NRXN3: variants seen among roughly 807,000 people sequenced by gnomAD.
The protein encoded by NRXN3 is neurexin III.
A neutral mutation model predicts 137.6 loss-of-function variants in NRXN3; 32 were observed. The ratio of observed to expected loss-of-function variants is 0.23; its 90% confidence interval spans 0.18 to 0.31. The LOEUF is 0.31. Ranked by LOEUF, NRXN3 falls within the 10% of genes least tolerant of loss-of-function variation. The pLI is 1.00. For missense variants in NRXN3, 1,574 were observed against 2,062.5 expected (o/e 0.76, Z 4.59); for synonymous variants, 798 against 784.5 (o/e 1.02, Z -0.29).
chr14:78,593,831 GCTGAAAT>G (rs1356733784), intron 4 of NRXN3, among the ~76,000 whole-genome samples: 1 of 152,136 alleles, frequency 6.6e-6, no homozygotes, highest in Admixed American at 6.5e-5. Flanking sequence ...TTCAAAGGGT[GCTGAAAT>G]CTCTCACCAC....
intron 3 of NRXN3, among the ~76,000 whole-genome samples, chr14:78,292,388 G>C (rs1171444286): frequency 6.6e-6 from 1 of 152,194 alleles, no homozygotes; most frequent in African/African-American, 2.4e-5. Context: ...ATCTCCTGGT[G>C]ATCTTTTTCT....
intron 4 of NRXN3, among the ~76,000 whole-genome samples, chr14:78,422,107 T>C (rs552360690): frequency 3.9e-4 from 60 of 152,264 alleles, no homozygotes; most frequent in African/African-American, 1.3e-3. Context: ...TGATGTGTGC[T>C]GTGCAAAGGT....
At chr14:79,180,361 G>A (rs1350948196) in intron 15 of NRXN3, among the ~76,000 whole-genome samples, 2 of 152,072 alleles carry the variant, frequency 1.3e-5, no homozygotes, top group African/African-American at 4.8e-5. Context: ...AGAAATAAAT[G>A]GACTCATTCC....
chr14:79,692,255 G>A lies in NRXN3; in HGVS notation c.3699G>A (p.Gln1233=), dbSNP rs1459352548. 1.9e-6 allele frequency: 3 copies of A among 1,603,320 alleles called. No homozygotes were observed. The highest frequency in any genetic ancestry group is 1.7e-6 in the Non-Finnish European group (2 of 1,175,168). Residue 1233 remains glutamine, a synonymous_variant, in exon 18 of 21, where the codon CAG becomes CAA. Transcript: ENST00000335750. ...ATCGGCCTGTAGAGGAGTGGCTGCA[G>A]GAAAAAGGTAACCGTCATTAAAACT... is the stretch of plus-strand genomic sequence containing the variant. ...KYNRPVEEWL[Q]EKGRQLTIFN...
chr14:79,144,115 A>G (rs560703966), intron 15 of NRXN3, among the ~76,000 whole-genome samples: 124 of 152,326 alleles, frequency 8.1e-4, no homozygotes, highest in African/African-American at 2.9e-3. Flanking sequence ...AGTTGGATTC[A>G]TTTTATCTTG....
intron 15 of NRXN3, among the ~76,000 whole-genome samples, chr14:79,100,868 G>T (rs2051155629): frequency 6.6e-6 from 1 of 152,112 alleles, no homozygotes; most frequent in African/African-American, 2.4e-5. Flanking sequence ...CCCACAGGTT[G>T]TTTCTTGCTC....
At chr14:78,472,796 C>T (rs900968551) in intron 4 of NRXN3, among the ~76,000 whole-genome samples, 3 of 152,162 alleles carry the variant, frequency 2.0e-5, no homozygotes, top group Non-Finnish European at 2.9e-5. Context: ...TATTCTGCCA[C>T]TGTGCTGGCT....
chr14:78,172,952 G>A (rs1217672368), intron 1 of NRXN3, among the ~76,000 whole-genome samples: 2 of 152,020 alleles, frequency 1.3e-5, no homozygotes, highest in South Asian at 2.1e-4. Context: ...TTAGTGCTGC[G>A]TTTCTCCTGA....
At chr14:78,279,155 G>T (rs1273194147) in intron 3 of NRXN3, among the ~76,000 whole-genome samples, 1 of 152,006 alleles carries the variant, frequency 6.6e-6, no homozygotes, top group Non-Finnish European at 1.5e-5. Flanking sequence ...AATATTTATT[G>T]TTTTTCCTGG....
intron 1 of NRXN3, among the ~76,000 whole-genome samples, chr14:78,233,191 C>T (rs73308584): frequency 6.6e-6 from 1 of 152,202 alleles, no homozygotes; most frequent in South Asian, 2.1e-4. Context: ...TGTGCACATC[C>T]TGGAAGGTGT....
At position 79,829,042 on chromosome 14, in the gene NRXN3, A is replaced by G. The variant is rs573609258; in HGVS notation, c.4093+23852A>G. 2.3e-3 allele frequency among the ~76,000 whole-genome samples: 356 copies of G among 152,318 alleles called. 1 individual carries two copies. The highest frequency in any genetic ancestry group is 0.01 in the Middle Eastern group (3 of 294). On this transcript the variant is annotated intron_variant, in intron 20 of 20. Transcript: ENST00000335750. ...CTTCCTCACCATCACCCTCACCATT[A>G]TAATTATTATCAATTAACTTGTTCA...
chr14:78,182,156 C>G (rs10148473), intron 1 of NRXN3, among the ~76,000 whole-genome samples: 1 of 151,730 alleles, frequency 6.6e-6, no homozygotes, highest in Non-Finnish European at 1.5e-5. Flanking sequence ...GAGCACTCAC[C>G]GTCTGCAGGC....
chr14:78,570,391 A>G (rs535287542), intron 4 of NRXN3, among the ~76,000 whole-genome samples: 3 of 152,276 alleles, frequency 2.0e-5, no homozygotes, highest in African/African-American at 7.2e-5. Flanking sequence ...ATTGTTTATA[A>G]GCCACCCAGT....
At chr14:79,819,383 A>C (rs1351346328) in intron 20 of NRXN3, among the ~76,000 whole-genome samples, 1 of 151,384 alleles carries the variant, frequency 6.6e-6, no homozygotes, top group Admixed American at 6.6e-5. Context: ...TGTTTTTAAT[A>C]GATAAGACCT....
At chr14:78,518,504 G>A (rs535931037) in intron 4 of NRXN3, among the ~76,000 whole-genome samples, 11 of 152,186 alleles carry the variant, frequency 7.2e-5, no homozygotes, top group African/African-American at 2.6e-4. Flanking sequence ...CCAAAGAAAA[G>A]GTAGCTTGAG....
At chr14:78,484,525 G>A (rs1399276643) in intron 4 of NRXN3, among the ~76,000 whole-genome samples, 2 of 151,928 alleles carry the variant, frequency 1.3e-5, no homozygotes, top group Non-Finnish European at 2.9e-5. Flanking sequence ...CTTTTTTTCT[G>A]GGGGAGAGGG....
intron 20 of NRXN3, among the ~76,000 whole-genome samples, chr14:79,847,559 T>C (rs2099382032): frequency 6.6e-6 from 1 of 152,168 alleles, no homozygotes; most frequent in South Asian, 2.1e-4. Context: ...TTGTCCTAAC[T>C]CATGAAATCA....
intron 15 of NRXN3, among the ~76,000 whole-genome samples, chr14:79,451,513 T>C (rs1168310269): frequency 6.6e-6 from 1 of 152,200 alleles, no homozygotes; most frequent in African/African-American, 2.4e-5. Flanking sequence ...TCATGGAAAT[T>C]GGGTCATCAC....
intron 1 of NRXN3, among the ~76,000 whole-genome samples, chr14:78,226,614 A>G (rs1246396455): frequency 6.6e-6 from 1 of 152,256 alleles, no homozygotes; most frequent in Non-Finnish European, 1.5e-5. Context: ...TCCTGATTGT[A>G]TAATAATGAA....
Sources: allele counts gnomAD v4.1 joint callset (sites outside exome capture counted in the v4.1 genomes callset), GRCh38; gene constraint gnomAD v4.1.1; transcripts MANE v1.5; gene names NCBI Gene and HGNC (gene_info 2026-07-23, HGNC 2026-07-21).